Variants in SYT1 observed in about 807,000 individuals in gnomAD.
The protein encoded by SYT1 is synaptotagmin 1.
Under a neutral mutation model 44.8 loss-of-function variants are expected in SYT1, and 8 were observed. The ratio of observed to expected loss-of-function variants is 0.18; its 90% CI spans 0.10 to 0.32. The LOEUF is 0.32. SYT1 is among the 10% of genes least tolerant of loss of function. SYT1 has a pLI of 1.00. For missense variants in SYT1, 286 were observed against 509.3 expected (o/e 0.56, Z 4.22); for synonymous variants, 154 against 188.8 (o/e 0.82, Z 1.51).
At chr12:79,392,246 G>A (rs1241717946) in intron 9 of SYT1, 1 of 152,078 alleles carries the variant, frequency 6.6e-6, no homozygotes, top group African/African-American at 2.4e-5. Flanking sequence ...AAATAACTAT[G>A]AAAAATGTTA....
chr12:79,201,600 A>G (rs1019995686), intron 3 of SYT1, among the ~76,000 whole-genome samples: 1 of 152,196 alleles, frequency 6.6e-6, no homozygotes, highest in Non-Finnish European at 1.5e-5. Flanking sequence ...CAGAATTTTA[A>G]TAATTGTTTA....
At chr12:79,193,813 TTTC>T (rs1873275652) in intron 3 of SYT1, among the ~76,000 whole-genome samples, 1 of 152,208 alleles carries the variant, frequency 6.6e-6, no homozygotes. Context: ...TTCTTATATA[TTTC>T]TTCATCAAAT....
chr12:78,933,127 G>T (rs1302241824), intron 1 of SYT1, among the ~76,000 whole-genome samples: 1 of 152,104 alleles, frequency 6.6e-6, no homozygotes. Context: ...GTGCACCTGT[G>T]AAGAAATATC....
chr12:79,382,778 C>T (rs1048327347), intron 9 of SYT1, among the ~76,000 whole-genome samples: 1 of 152,146 alleles, frequency 6.6e-6, no homozygotes, highest in Admixed American at 6.6e-5. Context: ...GTGCTCCAAA[C>T]GCTGAGTAGA....
intron 3 of SYT1, among the ~76,000 whole-genome samples, chr12:79,198,228 A>G (rs986609907): frequency 3.3e-5 from 5 of 152,182 alleles, no homozygotes; most frequent in Non-Finnish European, 5.9e-5. Context: ...TAATTTTACT[A>G]ATCCCTTTAG....
intron 9 of SYT1, among the ~76,000 whole-genome samples, chr12:79,440,387 G>C (rs185932779): frequency 2.6e-5 from 4 of 152,128 alleles, no homozygotes; most frequent in Admixed American, 2.6e-4. Flanking sequence ...TCTTGTTTTG[G>C]GGAACAGAAT....
intron 4 of SYT1, among the ~76,000 whole-genome samples, chr12:79,240,913 G>A (rs1462415619): frequency 2.6e-5 from 4 of 152,268 alleles, no homozygotes; most frequent in South Asian, 2.1e-4. Context: ...TGGCTCACAC[G>A]TGTAATCCCA....
chr12:79,373,907 AGTT>A (rs1244835534), intron 9 of SYT1, among the ~76,000 whole-genome samples: 1 of 152,192 alleles, frequency 6.6e-6, no homozygotes, highest in Non-Finnish European at 1.5e-5. Flanking sequence ...TTCAAGCCAC[AGTT>A]GTTGTTCAGG....
chr12:79,044,596 A>G (rs1484318448), intron 2 of SYT1, among the ~76,000 whole-genome samples: 1 of 146,942 alleles, frequency 6.8e-6, no homozygotes, highest in African/African-American at 2.6e-5. Flanking sequence ...GCTCAGAGTA[A>G]TTTGATCGTC....
chr12:79,255,696 G>C (rs1404550522), intron 4 of SYT1, among the ~76,000 whole-genome samples: 2 of 152,314 alleles, frequency 1.3e-5, no homozygotes, highest in East Asian at 1.9e-4. Flanking sequence ...TTTTTCATAA[G>C]AGTAATGGCC....
chr12:79,228,668 C>T (rs1565865016), intron 4 of SYT1, among the ~76,000 whole-genome samples: 1 of 152,134 alleles, frequency 6.6e-6, no homozygotes. Flanking sequence ...GTTTCATTCA[C>T]CTAGCCATTC....
intron 1 of SYT1, chr12:78,955,564 G>A (rs1209778554): frequency 6.6e-6 from 1 of 152,066 alleles, no homozygotes; most frequent in Non-Finnish European, 1.5e-5. Flanking sequence ...CACCACAGAA[G>A]GGGTAAGCAA....
At chr12:79,068,051 T>C (rs1875999613) in intron 3 of SYT1, among the ~76,000 whole-genome samples, 1 of 152,190 alleles carries the variant, frequency 6.6e-6, no homozygotes, top group Non-Finnish European at 1.5e-5. Context: ...CTACCATGCT[T>C]TGGATTACAA....
intron 2 of SYT1, among the ~76,000 whole-genome samples, chr12:78,989,728 G>A (rs1482386295): frequency 6.6e-6 from 1 of 152,134 alleles, no homozygotes; most frequent in South Asian, 2.1e-4. Flanking sequence ...GAAGTGTATT[G>A]TCTAAAATTG....
rs761978555 is a variant in SYT1 at position 79,296,256 on chromosome 12, T to G, written c.642+20T>G. 1 of 1,606,492 alleles carries G rather than the reference T, an allele frequency of 6.2e-7. No homozygotes were observed. The highest frequency in any genetic ancestry group is 8.5e-7 in the Non-Finnish European group (1 of 1,176,188). Reference sequence around the variant, plus strand: ...TTCAAGGTATTTGTTAACATTTATTTATAACCTTTCCTTTGTTGTTTTACT... The same window carrying G: ...TTCAAGGTATTTGTTAACATTTATTGATAACCTTTCCTTTGTTGTTTTACT... On this transcript the variant is annotated intron_variant, in intron 7 of 10. Transcript: ENST00000261205.
chr12:78,934,117 C>T (rs1877906863), intron 1 of SYT1, among the ~76,000 whole-genome samples: 1 of 151,366 alleles, frequency 6.6e-6, no homozygotes, highest in Non-Finnish European at 1.5e-5. Flanking sequence ...TGTGTATATA[C>T]ATATGTGTGT....
chr12:79,447,266 G>C (rs1352142251), intron 10 of SYT1, among the ~76,000 whole-genome samples: 1 of 150,632 alleles, frequency 6.6e-6, no homozygotes, highest in Non-Finnish European at 1.5e-5. Flanking sequence ...CCTTTTTCTA[G>C]AAAAAAATAA....
At chr12:79,274,603 C>T (rs945805262) in intron 4 of SYT1, among the ~76,000 whole-genome samples, 13 of 152,196 alleles carry the variant, frequency 8.5e-5, no homozygotes, top group African/African-American at 2.7e-4. Flanking sequence ...ACAGCTTCAC[C>T]TCCTTTATAT....
At chr12:79,055,765 A>T (rs1874886003) in intron 3 of SYT1, among the ~76,000 whole-genome samples, 1 of 152,046 alleles carries the variant, frequency 6.6e-6, no homozygotes, top group South Asian at 2.1e-4. Flanking sequence ...AGTAAAAATT[A>T]TTGTTGTTAT....
Sources: gnomAD v4.1 joint callset for allele counts (sites outside exome capture counted in the v4.1 genomes callset) on GRCh38, gnomAD v4.1.1 for gene constraint, MANE v1.5 for transcripts, NCBI Gene and HGNC (gene_info 2026-07-23, HGNC 2026-07-21) for gene names.